Variants in KCNIP1 observed in about 807,000 individuals in gnomAD.
KCNIP1 encodes the protein A-type potassium channel modulatory protein KCNIP1.
A neutral mutation model predicts 33.0 loss-of-function variants in KCNIP1; 18 were observed. The observed-to-expected ratio is 0.55, with a 90% CI of 0.38 to 0.81. KCNIP1 has a LOEUF of 0.81. Ranked by LOEUF, KCNIP1 falls within the 30% of genes least tolerant of loss-of-function variation. KCNIP1 has a pLI of 0.00. For synonymous variants in KCNIP1, 93 were observed against 98.3 expected, an observed-to-expected ratio of 0.95 and a Z score of 0.32; for missense variants, 238 against 271.6, an observed-to-expected ratio of 0.88 and a Z score of 0.87.
At chr5:170,417,212 G>A (rs1755354153) in intron 1 of KCNIP1, among the ~76,000 whole-genome samples, 1 of 152,188 alleles carries the variant, frequency 6.6e-6, no homozygotes, top group African/African-American at 2.4e-5. Context: ...TAACAGAAAA[G>A]TCCAGAATAA....
Position 170,514,687 on chromosome 5 carries a change from C to T in KCNIP1, c.61+10054C>T, listed in dbSNP as rs575594311. On this transcript the variant is annotated intron_variant, in intron 1 of 7. Transcript: ENST00000328939. The stretch of plus-strand genomic sequence containing the variant: ...TGCTTTCAAAACACAATTTTTGATG[C>T]CTCTACTTTGCTAGTGCTTTAAGCA... Among the ~76,000 whole-genome samples, 6 of 152,256 alleles carry T rather than the reference C, an allele frequency of 3.9e-5. No homozygotes were observed. The East Asian group carries it at 9.7e-4, about 25-fold the overall frequency.
intron 1 of KCNIP1, among the ~76,000 whole-genome samples, chr5:170,683,794 G>A (rs561930701): frequency 6.4e-4 from 97 of 151,050 alleles, no homozygotes; most frequent in African/African-American, 2.3e-3. Flanking sequence ...CATGATATCA[G>A]TTCATTGCAA....
At chr5:170,519,623 C>G (rs937540124) in intron 1 of KCNIP1, among the ~76,000 whole-genome samples, 2 of 152,066 alleles carry the variant, frequency 1.3e-5, no homozygotes, top group Non-Finnish European at 2.9e-5. Flanking sequence ...CAGCACAGGA[C>G]AGGAGGTAAT....
At chr5:170,397,342 C>T (rs1490775043) in intron 1 of KCNIP1, among the ~76,000 whole-genome samples, 1 of 152,148 alleles carries the variant, frequency 6.6e-6, no homozygotes, top group South Asian at 2.1e-4. Flanking sequence ...TTGCTGCAGT[C>T]CCCAGTGATC....
At chr5:170,649,689 T>TC (rs1760955607) in intron 1 of KCNIP1, among the ~76,000 whole-genome samples, 2 of 151,898 alleles carry the variant, frequency 1.3e-5, no homozygotes, top group African/African-American at 4.8e-5. Context: ...AGGCATTTTT[T>TC]AGATTAGTAG....
chr5:170,714,963 C>T (rs2113862314), intron 1 of KCNIP1, among the ~76,000 whole-genome samples: 1 of 152,232 alleles, frequency 6.6e-6, no homozygotes, highest in South Asian at 2.1e-4. Context: ...TTAGTAATAT[C>T]CCAGGCCTTC....
intron 1 of KCNIP1, chr5:170,378,567 A>AAG: frequency 1.1e-6 from 1 of 934,682 alleles, no homozygotes; most frequent in Non-Finnish European, 1.6e-6. Context: ...TTAGTCCTGC[A>AAG]ACAGAAGACA....
chr5:170,497,569 T>C (rs1247216224), intron 1 of KCNIP1, among the ~76,000 whole-genome samples: 2 of 152,210 alleles, frequency 1.3e-5, no homozygotes, highest in Non-Finnish European at 2.9e-5. Flanking sequence ...TTTTATCAGA[T>C]ACTTACAGTT....
At chr5:170,438,691 GC>G (rs1277404030) in intron 1 of KCNIP1, among the ~76,000 whole-genome samples, 1 of 152,072 alleles carries the variant, frequency 6.6e-6, no homozygotes, top group African/African-American at 2.4e-5. Flanking sequence ...TCTAAAGTCA[GC>G]CCGTGCTCTT....
At chr5:170,527,593 G>C (rs1211476726) in intron 1 of KCNIP1, among the ~76,000 whole-genome samples, 1 of 151,850 alleles carries the variant, frequency 6.6e-6, no homozygotes, top group South Asian at 2.1e-4. Context: ...AGTTGAGTTT[G>C]ACATTGGCCT....
At chr5:170,726,000 A>G (rs1763992701) in intron 5 of KCNIP1, among the ~76,000 whole-genome samples, 1 of 152,174 alleles carries the variant, frequency 6.6e-6, no homozygotes, top group Non-Finnish European at 1.5e-5. Context: ...TTATAGACTT[A>G]AATATTAAAA....
intron 7 of KCNIP1, among the ~76,000 whole-genome samples, chr5:170,734,963 T>G (rs1764330095): frequency 6.6e-6 from 1 of 152,240 alleles, no homozygotes. Context: ...ATGGGATCTC[T>G]GCACACCCAG....
chr5:170,478,226 G>T (rs1299169977), intron 1 of KCNIP1, among the ~76,000 whole-genome samples: 2 of 152,216 alleles, frequency 1.3e-5, no homozygotes, highest in African/African-American at 4.8e-5. Context: ...CTTTATTGTA[G>T]TTGTATTCAT....
intron 1 of KCNIP1, among the ~76,000 whole-genome samples, chr5:170,492,573 G>A (rs1757228661): frequency 6.6e-6 from 1 of 152,152 alleles, no homozygotes; most frequent in South Asian, 2.1e-4. Context: ...GGGGCTGAAA[G>A]TCTCAAGCTT....
At chr5:170,519,508 C>G (rs1430714280) in intron 1 of KCNIP1, among the ~76,000 whole-genome samples, 1 of 152,156 alleles carries the variant, frequency 6.6e-6, no homozygotes, top group African/African-American at 2.4e-5. Flanking sequence ...GCCTTACTGT[C>G]TTCTTGTGTC....
chr5:170,483,990 A>G (rs1411318797), intron 1 of KCNIP1: 1 of 152,338 alleles, frequency 6.6e-6, no homozygotes, highest in East Asian at 1.9e-4. Context: ...TGCTGCCAAG[A>G]GAAACAGGAA....
intron 1 of KCNIP1, among the ~76,000 whole-genome samples, chr5:170,554,682 AG>A (rs1756776954): frequency 6.6e-6 from 1 of 152,220 alleles, no homozygotes; most frequent in Non-Finnish European, 1.5e-5. Flanking sequence ...ATGTCTTTGC[AG>A]GCATGCTTCC....
intron 1 of KCNIP1, among the ~76,000 whole-genome samples, chr5:170,362,304 C>T (rs1763535931): frequency 6.6e-6 from 1 of 152,208 alleles, no homozygotes; most frequent in African/African-American, 2.4e-5. Flanking sequence ...CCTCCCCAGC[C>T]CATCCCCAGT....
At position 170,538,364 on chromosome 5, in the gene KCNIP1, T is replaced by G. The variant is rs948971082; in HGVS notation, c.61+33731T>G. ...GCAGAAACACAATGGATGGTAAATA[T>G]TCTATTACGACTGTTATTCCCAACC... is the stretch of plus-strand genomic sequence containing the variant. On this transcript the variant is annotated intron_variant, in intron 1 of 7. Transcript: ENST00000328939. 3.3e-5 allele frequency among the ~76,000 whole-genome samples: 5 copies of G among 152,218 alleles called. No individual in the cohort carries two copies. In the South Asian group the frequency reaches 1.0e-3, roughly 32 times the overall value.
Sources: allele counts gnomAD v4.1 joint callset (sites outside exome capture counted in the v4.1 genomes callset), GRCh38; gene constraint gnomAD v4.1.1; transcripts MANE v1.5; gene names NCBI Gene and HGNC (gene_info 2026-07-23, HGNC 2026-07-21).